The following FGGY variants were observed in gnomAD, a reference collection of about 807,000 sequenced individuals.
The protein encoded by FGGY is FGGY carbohydrate kinase domain containing, also known as FGGY carbohydrate kinase domain-containing protein.
FGGY carries 72 observed loss-of-function variants against 71.3 expected under a neutral mutation model. That is an observed-to-expected ratio of 1.01 (90% confidence interval 0.84 to 1.23). The LOEUF is 1.23. Among genes scored for constraint, FGGY ranks in the 50% most tolerant of loss-of-function variants. The pLI, the probability that FGGY is intolerant of heterozygous loss-of-function variation, is 0.00. For synonymous variants in FGGY, 251 were observed against 250.3 expected (o/e 1.00, Z -0.02); for missense variants, 668 against 682.3 (o/e 0.98, Z 0.23).
chr1:59,646,980 C>G (rs1346366775), intron 11 of FGGY, among the ~76,000 whole-genome samples: 1 of 152,166 alleles, frequency 6.6e-6, no homozygotes, highest in African/African-American at 2.4e-5. Context: ...ATCAGACTTT[C>G]CTTTCTTACT....
chr1:59,490,141 C>A (rs756941116), intron 6 of FGGY, among the ~76,000 whole-genome samples: 1 of 152,152 alleles, frequency 6.6e-6, no homozygotes, highest in East Asian at 1.9e-4. Context: ...GCCTTGAACT[C>A]CTGGGCTCAA....
chr1:59,509,359 G>A (rs1196906571), intron 6 of FGGY, among the ~76,000 whole-genome samples: 2 of 152,068 alleles, frequency 1.3e-5, no homozygotes, highest in Non-Finnish European at 2.9e-5. Context: ...CCTAACCCCA[G>A]TCTATCCTCT....
intron 14 of FGGY, among the ~76,000 whole-genome samples, chr1:59,743,262 T>C (rs1335040369): frequency 6.6e-6 from 1 of 152,202 alleles, no homozygotes; most frequent in Non-Finnish European, 1.5e-5. Context: ...GCCAACTCCT[T>C]GTCAACCTTC....
chr1:59,476,557 T>G (rs1047218748), intron 6 of FGGY, among the ~76,000 whole-genome samples: 2 of 152,224 alleles, frequency 1.3e-5, no homozygotes, highest in African/African-American at 2.4e-5. Context: ...AGTCCAGTGA[T>G]GCCTGAAGTC....
In FGGY at chr1:59,414,126, A is replaced by C. The variant is rs557150247; in HGVS notation, c.554+35289A>C. Among the ~76,000 whole-genome samples the C allele has an allele frequency of 2.4e-4, 36 of 152,356 alleles. 1 individual carries two copies. Among genetic ancestry groups the C allele is most frequent in the Admixed American group, 1.9e-3 (29 of 15,306 alleles). On this transcript the variant is annotated intron_variant, in intron 5 of 15. Coordinates refer to ENST00000303721, the MANE Select transcript of FGGY (RefSeq NM_018291.5). ...GACATTTGTTTGTACTAGTTAAGGG[A>C]AAATGAAACTTCAGGTTGACAGCCT...
chr1:59,538,992 T>G (rs1192855210), intron 7 of FGGY, among the ~76,000 whole-genome samples: 1 of 151,998 alleles, frequency 6.6e-6, no homozygotes, highest in Admixed American at 6.6e-5. Context: ...ACTTAAAGTA[T>G]AATAATAATA....
At chr1:59,445,317 TCCTC>T (rs2070990437) in intron 5 of FGGY, among the ~76,000 whole-genome samples, 1 of 152,160 alleles carries the variant, frequency 6.6e-6, no homozygotes, top group South Asian at 2.1e-4. Flanking sequence ...GCAGTCCTCT[TCCTC>T]CCTGCTCTGG....
chr1:59,359,316 A>G (rs2054949522), intron 4 of FGGY, among the ~76,000 whole-genome samples: 1 of 152,244 alleles, frequency 6.6e-6, no homozygotes, highest in South Asian at 2.1e-4. Context: ...TATGAACTCT[A>G]GAATAAAACG....
At chr1:59,464,748 T>A (rs914244406) in intron 6 of FGGY, among the ~76,000 whole-genome samples, 1 of 152,090 alleles carries the variant, frequency 6.6e-6, no homozygotes, top group South Asian at 2.1e-4. Context: ...AACACCTCTA[T>A]GCAAATAAAC....
intron 14 of FGGY, among the ~76,000 whole-genome samples, chr1:59,730,934 C>T (rs548791521): frequency 5.3e-5 from 8 of 152,314 alleles, no homozygotes; most frequent in East Asian, 3.9e-4. Flanking sequence ...TAGTAGCCCA[C>T]GCAAGGCAGG....
In FGGY at chr1:59,554,334, C is replaced by A. The variant is rs6675773; in HGVS notation, c.903+107C>A. ...CCCTTTCACTTCTTTCCTCTTTTCC[C>A]TGCCTGCCCCTTGTGCTTTGTCTAG... On this transcript the variant is annotated intron_variant, in intron 8 of 15. Coordinates refer to ENST00000303721, the MANE Select transcript of FGGY (RefSeq NM_018291.5). The A allele has an allele frequency of 3.7e-4, 281 of 760,792 alleles. 2 individuals are homozygous for A. In the African/African-American group the frequency reaches 4.3e-3, roughly 12 times the overall value. 47.1% of individuals were successfully genotyped at this position (760,792 alleles called of 1,614,324 possible).
Position 59,652,266 on chromosome 1 carries a change from A to G in FGGY, c.1222-7953A>G, listed in dbSNP as rs369334709. ...TCTTCTCGAGGAGTATCTTTGTGGC[A>G]TTCTCTGTATTTCCTGAATCTGAAC... On this transcript the variant is annotated intron_variant, in intron 11 of 15. Coordinates refer to ENST00000303721, the MANE Select transcript of FGGY (RefSeq NM_018291.5). Among the ~76,000 whole-genome samples, 98 of 146,120 alleles carry G rather than the reference A, an allele frequency of 6.7e-4. No homozygotes were observed. In the East Asian group the frequency reaches 0.011, roughly 16 times the overall value.
chr1:59,642,254 A>G (rs1414295723), intron 11 of FGGY, among the ~76,000 whole-genome samples: 1 of 152,246 alleles, frequency 6.6e-6, no homozygotes, highest in Admixed American at 6.5e-5. Context: ...TACAGAAAAT[A>G]AAAACTGCTG....
chr1:59,615,003 C>T (rs965242128), intron 9 of FGGY, among the ~76,000 whole-genome samples: 2 of 152,130 alleles, frequency 1.3e-5, no homozygotes, highest in South Asian at 4.2e-4. Flanking sequence ...TAAAAGAGGA[C>T]ACAAACAAAT....
intron 14 of FGGY, among the ~76,000 whole-genome samples, chr1:59,706,598 C>A (rs984750203): frequency 1.3e-5 from 2 of 152,164 alleles, no homozygotes; most frequent in East Asian, 1.9e-4. Context: ...AATTGCTGGG[C>A]AAGTCAAATG....
At chr1:59,728,678 T>A (rs1266535708) in intron 14 of FGGY, among the ~76,000 whole-genome samples, 4 of 152,114 alleles carry the variant, frequency 2.6e-5, no homozygotes, top group African/African-American at 9.6e-5. Flanking sequence ...AGTGAGGTTT[T>A]TCTTTTAATA....
chr1:59,444,341 A>C (rs1470701338), intron 5 of FGGY, among the ~76,000 whole-genome samples: 2 of 152,206 alleles, frequency 1.3e-5, no homozygotes, highest in Non-Finnish European at 1.5e-5. Context: ...GTTTCCATAC[A>C]TATAATGCAT....
chr1:59,587,662 C>T (rs188747303), intron 8 of FGGY, among the ~76,000 whole-genome samples: 1 of 152,326 alleles, frequency 6.6e-6, no homozygotes, highest in East Asian at 1.9e-4. Flanking sequence ...TCTGCAGCCA[C>T]TGTTGCTGTT....
chr1:59,581,057 G>A (rs1373923306), intron 8 of FGGY, among the ~76,000 whole-genome samples: 1 of 150,796 alleles, frequency 6.6e-6, no homozygotes, highest in East Asian at 1.9e-4. Flanking sequence ...TTGAGCACAT[G>A]AAGTCATTTT....
Sources: allele counts gnomAD v4.1 joint callset (sites outside exome capture counted in the v4.1 genomes callset), GRCh38; gene constraint gnomAD v4.1.1; transcripts MANE v1.5; gene names NCBI Gene and HGNC (gene_info 2026-07-23, HGNC 2026-07-21).